Variants in GREB1 observed in about 807,000 individuals in gnomAD.
GREB1 encodes the protein protein GREB1.
A neutral mutation model predicts 200.7 loss-of-function variants in GREB1; 106 were observed. That is an observed-to-expected ratio of 0.53 (90% CI 0.45 to 0.62). The LOEUF is 0.62. Ranked by LOEUF, GREB1 falls within the 20% of genes least tolerant of loss-of-function variation. The pLI is 0.00. For missense variants in GREB1, 2,243 were observed against 2,556.8 expected (o/e 0.88, Z 2.65); for synonymous variants, 1,132 against 1,092.4 (o/e 1.04, Z -0.72).
At chr2:11,507,969 A>G (rs1235066422) in intron 1 of GREB1, among the ~76,000 whole-genome samples, 1 of 152,254 alleles carries the variant, frequency 6.6e-6, no homozygotes, top group Non-Finnish European at 1.5e-5. Context: ...GTTTACAGTA[A>G]TATATTGAGG....
chr2:11,487,900 G>A (rs573373551), intron 1 of GREB1, among the ~76,000 whole-genome samples: 1 of 152,310 alleles, frequency 6.6e-6, no homozygotes, highest in African/African-American at 2.4e-5. Context: ...GCGGTGGACT[G>A]CCTGGGAGGT....
At chr2:11,587,189 G>A (rs376673313) in intron 9 of GREB1, among the ~76,000 whole-genome samples, 1 of 152,098 alleles carries the variant, frequency 6.6e-6, no homozygotes, top group African/African-American at 2.4e-5. Context: ...CTCGTCTCCC[G>A]GACTCCTGCT....
At chr2:11,567,882 C>T (rs1326336845) in intron 4 of GREB1, among the ~76,000 whole-genome samples, 1 of 152,160 alleles carries the variant, frequency 6.6e-6, no homozygotes, top group Admixed American at 6.5e-5. Flanking sequence ...TGTGTATCCC[C>T]CTGGGCTTCT....
intron 1 of GREB1, among the ~76,000 whole-genome samples, chr2:11,505,708 G>A (rs1489676547): frequency 6.6e-6 from 1 of 152,050 alleles, no homozygotes; most frequent in Non-Finnish European, 1.5e-5. Context: ...TTAGCCGGGC[G>A]TGGTGATGGG....
At chr2:11,511,947 C>T (rs1373495410) in intron 1 of GREB1, among the ~76,000 whole-genome samples, 1 of 152,060 alleles carries the variant, frequency 6.6e-6, no homozygotes, top group African/African-American at 2.4e-5. Flanking sequence ...CCCCTTTCCT[C>T]TGACTGTTAC....
intron 27 of GREB1, among the ~76,000 whole-genome samples, chr2:11,632,530 G>C (rs1011805646): frequency 6.6e-6 from 1 of 151,946 alleles, no homozygotes; most frequent in African/African-American, 2.4e-5. Context: ...TAGAGACGGG[G>C]TTTCACCATG....
intron 22 of GREB1, 62 bp from the exon 23 acceptor site, chr2:11,620,843 C>T: frequency 1.1e-6 from 1 of 933,746 alleles, no homozygotes; most frequent in Non-Finnish European, 1.8e-6. Flanking sequence ...AGGTGTTCAG[C>T]CGGTGCCTGG....
intron 1 of GREB1, among the ~76,000 whole-genome samples, chr2:11,539,053 CTT>C (rs1674535621): frequency 8.9e-6 from 1 of 111,876 alleles, no homozygotes; most frequent in African/African-American, 2.8e-5. Flanking sequence ...CTTCTCTTCT[CTT>C]CTCTTCTCTT....
rs1685095576 is a variant in GREB1, at chr2:11,633,935, G to A, written c.4992-196G>A. Among the ~76,000 whole-genome samples the A allele has an allele frequency of 6.6e-6, 1 of 152,260 alleles. No homozygotes were observed. The highest frequency in any genetic ancestry group is 2.1e-4 in the South Asian group (1 of 4,836). Reference sequence around the variant, plus strand: ...ATTGACTAAATTATGGTCTGCAAATGTGTTCAGCACATAGCAGAAATGAGC... The same window carrying A: ...ATTGACTAAATTATGGTCTGCAAATATGTTCAGCACATAGCAGAAATGAGC... On this transcript the variant is annotated intron_variant, in intron 28 of 32. Transcript: ENST00000381486. The surrounding 1 kb of genome is among the most constrained non-coding windows in gnomAD (Gnocchi z 4.1).
chr2:11,562,457 A>G lies in GREB1; in HGVS notation c.158-6A>G, dbSNP rs1233073264. On this transcript the variant is annotated splice_region_variant and splice_polypyrimidine_tract_variant and intron_variant, in intron 2 of 32. Coordinates refer to ENST00000381486, the MANE Select transcript of GREB1 (RefSeq NM_014668.4). ...CCTTGCTCATCACTCTTCTTCCCGCATCTAGGTGGTAGCCGAGTGGACAAT... is the reference window on the plus strand; with the variant it reads ...CCTTGCTCATCACTCTTCTTCCCGCGTCTAGGTGGTAGCCGAGTGGACAAT... 5 of 1,611,554 alleles carry G rather than the reference A, an allele frequency of 3.1e-6. No individual in the cohort carries two copies. Among genetic ancestry groups the G allele is most frequent in the Non-Finnish European group, 4.2e-6 (5 of 1,178,850 alleles).
At chr2:11,595,228 T>C (rs749987234) in intron 11 of GREB1, 23 bp from the exon 12 acceptor site, 23 of 1,604,358 alleles carry the variant, frequency 1.4e-5, no homozygotes, top group Non-Finnish European at 1.9e-5. Flanking sequence ...CAATGGGTAC[T>C]GTGAAATCTG....
chr2:11,552,900 C>T (rs1331892226), intron 1 of GREB1, among the ~76,000 whole-genome samples: 1 of 150,080 alleles, frequency 6.7e-6, no homozygotes. Context: ...GTCCCAGCTA[C>T]ACGGGAGGCT....
At chr2:11,488,528 T>A (rs1672708217) in intron 1 of GREB1, among the ~76,000 whole-genome samples, 1 of 152,094 alleles carries the variant, frequency 6.6e-6, no homozygotes, top group African/African-American at 2.4e-5. Context: ...CAGTGGCTCA[T>A]GCCTGTAATC....
At chr2:11,596,431 G>A (rs1383013928) in intron 13 of GREB1, among the ~76,000 whole-genome samples, 192 bp downstream of exon 13, 3 of 114,080 alleles carry the variant, frequency 2.6e-5, no homozygotes, top group East Asian at 3.1e-4. Context: ...TGGCAGGGAC[G>A]CAGGTGTGCA....
chr2:11,625,577 G>A (rs992467337), intron 24 of GREB1, among the ~76,000 whole-genome samples: 2 of 152,182 alleles, frequency 1.3e-5, no homozygotes, highest in East Asian at 3.8e-4. Flanking sequence ...GAAGGCTGTG[G>A]TTAATAGAGG....
At chr2:11,565,064 A>G (rs1440876109) in intron 3 of GREB1, among the ~76,000 whole-genome samples, 1 of 152,224 alleles carries the variant, frequency 6.6e-6, no homozygotes, top group Non-Finnish European at 1.5e-5. Flanking sequence ...TGTGGGAATT[A>G]CAGTTTAAGA....
upstream of GREB1, among the ~76,000 whole-genome samples, chr2:11,532,742 C>T (rs1674121066): frequency 6.6e-6 from 1 of 152,110 alleles, no homozygotes; most frequent in African/African-American, 2.4e-5. Flanking sequence ...GTGTGCTTGT[C>T]CCCACTAGCG....
At position 11,573,139 on chromosome 2, in the gene GREB1, T is replaced by C. The variant is rs568699158; in HGVS notation, c.455-3214T>C. Among the ~76,000 whole-genome samples, 91 of 152,318 alleles carry C rather than the reference T, an allele frequency of 6.0e-4. No homozygotes were observed. The Middle Eastern group carries it at 0.01, about 17-fold the overall frequency. ...CAGGCCCCTCAGACATCCAGGCTTA[T>C]GCACACTCCCTTGCAGGGGCTGGGG... On this transcript the variant is annotated intron_variant, in intron 4 of 32. Coordinates refer to ENST00000381486, the MANE Select transcript of GREB1 (RefSeq NM_014668.4).
At chr2:11,537,322 C>T (rs1014861040) in intron 1 of GREB1, among the ~76,000 whole-genome samples, 4 of 152,100 alleles carry the variant, frequency 2.6e-5, no homozygotes, top group Admixed American at 2.6e-4. Flanking sequence ...TGGCAAGCTT[C>T]ATATTGGTAA....
Sources: allele counts gnomAD v4.1 joint callset (sites outside exome capture counted in the v4.1 genomes callset), GRCh38; gene constraint gnomAD v4.1.1; non-coding constraint Gnocchi (gnomAD v3.1); transcripts MANE v1.5; gene names NCBI Gene and HGNC (gene_info 2026-07-23, HGNC 2026-07-21).